Variants in COL4A2 observed in about 807,000 individuals in gnomAD.
COL4A2 encodes the protein collagen alpha-2(IV) chain.
A neutral mutation model predicts 200.2 loss-of-function variants in COL4A2; 99 were observed. The ratio of observed to expected loss-of-function variants is 0.49; its 90% CI spans 0.42 to 0.58. The LOEUF (loss-of-function observed/expected upper bound fraction) is 0.58. Ranked by LOEUF, COL4A2 falls within the 20% of genes least tolerant of loss-of-function variation. COL4A2 has a pLI of 0.00. For missense variants in COL4A2, 1,950 were observed against 2,314.1 expected (o/e 0.84, Z 3.23); for synonymous variants, 897 against 900.6 (o/e 1.00, Z 0.07).
chr13:110,474,899 C>T (rs112156160), intron 29 of COL4A2, among the ~76,000 whole-genome samples: 1 of 75,600 alleles, frequency 1.3e-5, no homozygotes, highest in Non-Finnish European at 2.9e-5. Context: ...CGTGCCTATG[C>T]ACACTCACGA....
At chr13:110,484,020 T>C (rs1388325078) in intron 32 of COL4A2, among the ~76,000 whole-genome samples, 1 of 152,270 alleles carries the variant, frequency 6.6e-6, no homozygotes, top group Non-Finnish European at 1.5e-5. Context: ...GGGTGCTCAT[T>C]TTTTTTAAGA....
intron 4 of COL4A2, among the ~76,000 whole-genome samples, chr13:110,404,144 A>G (rs1879477155): frequency 6.6e-6 from 1 of 152,256 alleles, no homozygotes; most frequent in Non-Finnish European, 1.5e-5. Flanking sequence ...GGACACAGAC[A>G]TTCAGACCAT....
rs530037807 is a variant in COL4A2 at position 110,458,581 on chromosome 13, ACACTTGAGT to A, written c.1433-184_1433-176del. 2.4e-3 allele frequency among the ~76,000 whole-genome samples: 362 copies of A among 152,348 alleles called. 2 individuals are homozygous for A. Among genetic ancestry groups the A allele is most frequent in the African/African-American group, 8.4e-3 (349 of 41,582 alleles). ...CTGAACCCCATGAGACTATGAGTGAACACTTGAGTCACTTAGTCTGAGCCTCAGTTTTCC... is the reference window on the plus strand; with the variant it reads ...CTGAACCCCATGAGACTATGAGTGAACACTTAGTCTGAGCCTCAGTTTTCC... On this transcript the variant is annotated intron_variant, in intron 21 of 47. Transcript: ENST00000360467.
chr13:110,326,857 G>A (rs1467178522), intron 3 of COL4A2, among the ~76,000 whole-genome samples: 1 of 152,218 alleles, frequency 6.6e-6, no homozygotes, highest in Non-Finnish European at 1.5e-5. Flanking sequence ...CAACATCAGA[G>A]CAGTTCACAC....
chr13:110,403,172 T>C (rs1311315161), intron 4 of COL4A2, among the ~76,000 whole-genome samples: 2 of 152,226 alleles, frequency 1.3e-5, no homozygotes, highest in African/African-American at 4.8e-5. Context: ...TTTGCTTGGC[T>C]ACAATCTCGA....
In COL4A2 at chr13:110,508,264, C is replaced by G. The variant is rs780549786; in HGVS notation, c.4881+43C>G. On this transcript the variant is annotated intron_variant, in intron 47 of 47. Coordinates refer to ENST00000360467, the MANE Select transcript of COL4A2 (RefSeq NM_001846.4). The surrounding 1 kb of genome is among the most constrained non-coding windows in gnomAD (Gnocchi z 6.1). ...AGTTCCCCTCCCCAACCACACCCTG[C>G]TGGGGACACAGCAAGAACAGCTGCC... The G allele has an allele frequency of 6.3e-7, 1 of 1,599,808 alleles. No individual in the cohort carries two copies. The highest frequency in any genetic ancestry group is 8.5e-7 in the Non-Finnish European group (1 of 1,170,444).
chr13:110,501,885 G>C, intron 41 of COL4A2, 101 bp downstream of exon 41: 1 of 1,178,876 alleles, frequency 8.5e-7, no homozygotes, highest in Non-Finnish European at 1.2e-6. Flanking sequence ...TTTCCACGCT[G>C]TGCCCAGACT....
intron 28 of COL4A2, among the ~76,000 whole-genome samples, chr13:110,472,262 TCCGC>T (rs1882503280): frequency 6.6e-6 from 1 of 151,612 alleles, no homozygotes; most frequent in Admixed American, 6.6e-5. Context: ...ACTACAGGCA[TCCGC>T]CACCACACCT....
chr13:110,387,425 G>A (rs1878799503), intron 4 of COL4A2, among the ~76,000 whole-genome samples: 1 of 152,194 alleles, frequency 6.6e-6, no homozygotes, highest in South Asian at 2.1e-4. Flanking sequence ...CGGACATCAC[G>A]GGCGCTTCCA....
chr13:110,407,209 G>A (rs1048998850), intron 4 of COL4A2, among the ~76,000 whole-genome samples: 1 of 152,236 alleles, frequency 6.6e-6, no homozygotes, highest in African/African-American at 2.4e-5. Flanking sequence ...CGCCCCTCGG[G>A]TGGGAAAGCC....
chr13:110,436,132 T>C (rs774145831), intron 12 of COL4A2, 137 bp from the exon 13 acceptor site: 5 of 1,255,074 alleles, frequency 4.0e-6, no homozygotes, highest in Non-Finnish European at 5.8e-6. Flanking sequence ...GTGGTTATTA[T>C]ACTGTAAATA....
At chr13:110,315,044 T>G (rs1020707150) in intron 3 of COL4A2, among the ~76,000 whole-genome samples, 5 of 152,206 alleles carry the variant, frequency 3.3e-5, no homozygotes, top group African/African-American at 1.2e-4. Context: ...CACAGTTGCC[T>G]GTCATCACCC....
intron 3 of COL4A2, among the ~76,000 whole-genome samples, chr13:110,326,046 A>G (rs1382326659): frequency 6.6e-6 from 1 of 152,100 alleles, no homozygotes; most frequent in Non-Finnish European, 1.5e-5. Context: ...TTGGCCTCCC[A>G]AAGTAGTGGG....
chr13:110,362,302 T>C (rs1252625912), intron 4 of COL4A2, among the ~76,000 whole-genome samples: 1 of 152,226 alleles, frequency 6.6e-6, no homozygotes, highest in Non-Finnish European at 1.5e-5. Context: ...TAAGTTCGAT[T>C]CATTGATACT....
chr13:110,371,745 G>A (rs1369888567), intron 4 of COL4A2, among the ~76,000 whole-genome samples: 11 of 151,748 alleles, frequency 7.2e-5, no homozygotes, highest in African/African-American at 2.2e-4. Flanking sequence ...AGTGTAGGGC[G>A]GGCGGCGGGC....
intron 11 of COL4A2, 131 bp downstream of exon 11, chr13:110,432,491 G>A: frequency 8.3e-7 from 1 of 1,207,976 alleles, no homozygotes; most frequent in Non-Finnish European, 1.1e-6. Context: ...AACAGTTTTG[G>A]AGGTTTTTAA....
In COL4A2 at chr13:110,307,941, T is replaced by A. The variant is rs374140752; in HGVS notation, c.38T>A (p.Leu13Gln). The A allele has an allele frequency of 3.5e-5, 57 of 1,612,804 alleles. No individual in the cohort carries two copies. The highest frequency in any genetic ancestry group is 4.3e-5 in the Non-Finnish European group (51 of 1,179,742). ...CAGCGCGCGGTGGCCGGCCCTGCCC[T>A]ACGGCGGTAAGCGACTTTCTGCCTG... ...RDQRAVAGPA[L>Q]RRWLLLGTVT... The change falls in exon 2 of 48, where the codon CTA (leucine) becomes CAA (glutamine). Residue 13 changes from leucine to glutamine, a missense_variant. Coordinates refer to ENST00000360467, the MANE Select transcript of COL4A2 (RefSeq NM_001846.4). This position sits in a 1 kb window ranked among gnomAD's most constrained non-coding sequence, Gnocchi z 5.0.
intron 18 of COL4A2, among the ~76,000 whole-genome samples, chr13:110,447,743 CTGAG>C (rs66522832): frequency 0.092 from 13,998 of 151,880 alleles, 673 homozygotes; most frequent in Middle Eastern, 0.14. Flanking sequence ...AAACGCCTGA[CTGAG>C]TGACGACGTG....
chr13:110,462,145 C>G lies in COL4A2; in HGVS notation c.1628C>G (p.Pro543Arg). Residue 543 changes from proline to arginine, a missense_variant, in exon 23 of 48, where the codon CCC becomes CGC. Coordinates refer to ENST00000360467, the MANE Select transcript of COL4A2 (RefSeq NM_001846.4). Reference sequence around the variant, plus strand: ...CCTGGCAACATTGGTGCTCCCGGACCCAAAGGAGCAAAAGGAGATTCCAGA... The same window carrying G: ...CCTGGCAACATTGGTGCTCCCGGACGCAAAGGAGCAAAAGGAGATTCCAGA... The part of the protein sequence containing the change: ...GVPGNIGAPG[P>R]KGAKGDSRTI... 6.2e-7 allele frequency: 1 copy of G among 1,614,226 alleles called. No individual in the cohort carries two copies. The highest frequency in any genetic ancestry group is 8.5e-7 in the Non-Finnish European group (1 of 1,180,038).
Sources: allele counts gnomAD v4.1 joint callset (sites outside exome capture counted in the v4.1 genomes callset), GRCh38; gene constraint gnomAD v4.1.1; non-coding constraint Gnocchi (gnomAD v3.1); transcripts MANE v1.5; gene names NCBI Gene and HGNC (gene_info 2026-07-23, HGNC 2026-07-21).